The following PAM variants were observed in gnomAD, a reference collection of about 807,000 sequenced individuals.
PAM encodes peptidylglycine alpha-amidating monooxygenase, also known as peptidyl-glycine alpha-amidating monooxygenase.
Under a neutral mutation model 122.1 loss-of-function variants are expected in PAM, and 72 were observed. The observed-to-expected ratio is 0.59, with a 90% CI of 0.49 to 0.72. PAM has a LOEUF of 0.72. PAM is among the 30% of genes least tolerant of loss of function. The pLI is 0.00. For missense variants in PAM, 1,106 were observed against 1,183.7 expected, an observed-to-expected ratio of 0.93 and a Z score of 0.96; for synonymous variants, 389 against 404.4, an observed-to-expected ratio of 0.96 and a Z score of 0.46.
At chr5:102,939,484 C>T (rs779993068) in intron 7 of PAM, among the ~76,000 whole-genome samples, 5 of 152,032 alleles carry the variant, frequency 3.3e-5, no homozygotes, top group South Asian at 4.1e-4. Context: ...TCTACACTGA[C>T]GTTTTGTCTT....
At position 103,029,298 on chromosome 5, in the gene PAM, G is replaced by A. The variant is rs959553613; in HGVS notation, c.*233G>A. The A allele has an allele frequency of 2.5e-5, 9 of 362,590 alleles. No homozygotes were observed. The highest frequency in any genetic ancestry group is 1.8e-4 in the Admixed American group (4 of 21,708). 22.5% of individuals were successfully genotyped at this position (362,590 alleles called of 1,614,324 possible). ...TATATGAACATAGACTAGAGAAACC[G>A]TCCTCTTTTTCCATCATAATTCTAA... On this transcript the variant is annotated 3_prime_UTR_variant, in exon 26 of 26. Transcript: ENST00000438793.
At chr5:102,891,293 A>G (rs1227448441) in intron 3 of PAM, among the ~76,000 whole-genome samples, 3 of 151,920 alleles carry the variant, frequency 2.0e-5, no homozygotes, top group Non-Finnish European at 4.4e-5. Flanking sequence ...GTTTTGTTGT[A>G]ATTGCCTAAT....
chr5:102,977,002 G>A (rs185866138), intron 15 of PAM, among the ~76,000 whole-genome samples: 9 of 152,270 alleles, frequency 5.9e-5, no homozygotes, highest in African/African-American at 2.2e-4. Context: ...GATGTCCCCA[G>A]TTGTTGACAC....
intron 7 of PAM, among the ~76,000 whole-genome samples, chr5:102,945,662 C>G (rs1756809785): frequency 6.6e-6 from 1 of 151,928 alleles, no homozygotes; most frequent in Non-Finnish European, 1.5e-5. Flanking sequence ...CCCCCCCTCT[C>G]TCCTTTTTAC....
rs147544848 is a variant in PAM at position 102,881,448 on chromosome 5, T to C, written c.210+14055T>C. ...CAGAGCTTTTAAGGATGGGAATACA[T>C]GGGACAGTTTCATACATTGCTGGTG... On this transcript the variant is annotated intron_variant, in intron 3 of 25. Transcript: ENST00000438793. 7.1e-3 allele frequency among the ~76,000 whole-genome samples: 1,074 copies of C among 152,136 alleles called. 12 individuals carry two copies. The highest frequency in any genetic ancestry group is 0.024 in the African/African-American group (980 of 41,532).
intron 1 of PAM, among the ~76,000 whole-genome samples, chr5:102,846,372 C>T (rs1779951720): frequency 6.6e-6 from 1 of 152,190 alleles, no homozygotes. Context: ...TTTCCCATCC[C>T]TCTGTGTGTT....
At chr5:103,012,905 G>A (rs1167014715) in intron 21 of PAM, among the ~76,000 whole-genome samples, 1 of 151,274 alleles carries the variant, frequency 6.6e-6, no homozygotes, top group African/African-American at 2.4e-5. Flanking sequence ...ATTTTTGTCT[G>A]GGTTCTCTAT....
chr5:102,983,912 T>C (rs1650501), intron 15 of PAM, among the ~76,000 whole-genome samples: 7,431 of 152,218 alleles, frequency 0.049, 223 homozygotes, highest in Middle Eastern at 0.095. Flanking sequence ...CAAAAAACAA[T>C]TCATCCAAGA....
At chr5:102,887,546 G>A (rs1793522047) in intron 3 of PAM, among the ~76,000 whole-genome samples, 1 of 151,976 alleles carries the variant, frequency 6.6e-6, no homozygotes, top group South Asian at 2.1e-4. Context: ...ACATTAGCAA[G>A]TAAAGCTTGA....
At chr5:103,012,377 T>C (rs2151157412) in intron 21 of PAM, among the ~76,000 whole-genome samples, 1 of 152,350 alleles carries the variant, frequency 6.6e-6, no homozygotes, top group African/African-American at 2.4e-5. Flanking sequence ...TGTTTTCTTG[T>C]GGTAACTTCA....
intron 1 of PAM, among the ~76,000 whole-genome samples, chr5:102,805,937 A>C (rs1176987654): frequency 7.9e-5 from 12 of 152,104 alleles, no homozygotes. Flanking sequence ...TCTCACTCAC[A>C]CTTGATTTTT....
At chr5:102,920,551 G>T (rs924484603) in intron 5 of PAM, among the ~76,000 whole-genome samples, 2 of 152,012 alleles carry the variant, frequency 1.3e-5, no homozygotes, top group Admixed American at 6.6e-5. Flanking sequence ...AGTTCACATA[G>T]GATTGTCTGA....
At chr5:102,873,363 G>C (rs1449499667) in intron 3 of PAM, 1 of 152,150 alleles carries the variant, frequency 6.6e-6, no homozygotes, top group East Asian at 1.9e-4. Context: ...GGCACCAGCT[G>C]GTGGGATATC....
rs149646179 is a variant in PAM, at chr5:103,014,976, C to T, written c.2332-2358C>T. On this transcript the variant is annotated intron_variant, in intron 21 of 25. Coordinates refer to ENST00000438793, the MANE Select transcript of PAM (RefSeq NM_001177306.2). ...TATGGAAAAGAAAGAGAATGATCCC[C>T]ATCCTTCCATACCAAAAGAAAAAAA... Among the ~76,000 whole-genome samples, 141 of 152,224 alleles carry T rather than the reference C, an allele frequency of 9.3e-4. 1 individual carries two copies. The highest frequency in any genetic ancestry group is 3.3e-3 in the African/African-American group (138 of 41,540).
In PAM at chr5:103,029,314, A is replaced by G. The variant is rs1391190474; in HGVS notation, c.*249A>G. On this transcript the variant is annotated 3_prime_UTR_variant, in exon 26 of 26. Coordinates refer to ENST00000438793, the MANE Select transcript of PAM (RefSeq NM_001177306.2). ...AGAGAAACCGTCCTCTTTTTCCATC[A>G]TAATTCTAATCTAACAATGGAAGAT... 5.9e-6 allele frequency: 2 copies of G among 337,358 alleles called. No homozygotes were observed. Among genetic ancestry groups the G allele is most frequent in the Non-Finnish European group, 1.1e-5 (2 of 187,940 alleles). 20.9% of individuals were successfully genotyped at this position (337,358 alleles called of 1,614,324 possible).
intron 14 of PAM, among the ~76,000 whole-genome samples, chr5:102,969,088 G>C (rs1764996810): frequency 6.6e-6 from 1 of 151,972 alleles, no homozygotes; most frequent in African/African-American, 2.4e-5. Context: ...GTGCCTGTCG[G>C]GGGGTAGGGG....
At chr5:102,766,619 G>T (rs888066220) in intron 1 of PAM, among the ~76,000 whole-genome samples, 1 of 152,210 alleles carries the variant, frequency 6.6e-6, no homozygotes, top group Admixed American at 6.5e-5. Context: ...TGGCCAGGGG[G>T]CTGGGGACAC....
At chr5:103,010,547 G>A (rs895737277) in intron 21 of PAM, among the ~76,000 whole-genome samples, 11 of 152,074 alleles carry the variant, frequency 7.2e-5, no homozygotes, top group African/African-American at 2.7e-4. Flanking sequence ...AATGTGCTTG[G>A]AGTATATGAA....
intron 7 of PAM, 41 bp downstream of exon 7, chr5:102,926,709 CT>C: frequency 1.0e-6 from 1 of 993,878 alleles, no homozygotes; most frequent in Non-Finnish European, 1.6e-6. Flanking sequence ...ACTTCTAGTA[CT>C]ATATTGTTTA....
Sources: allele counts gnomAD v4.1 joint callset (sites outside exome capture counted in the v4.1 genomes callset), GRCh38; gene constraint gnomAD v4.1.1; transcripts MANE v1.5; gene names NCBI Gene and HGNC (gene_info 2026-07-23, HGNC 2026-07-21).